Variants in SYNJ1 observed in about 807,000 individuals in gnomAD.
SYNJ1 encodes the protein polyphosphatidylinositol phosphatase SYNJ1.
In SYNJ1, 78 loss-of-function variants were observed where a neutral mutation model predicts 168.2. The ratio of observed to expected loss-of-function variants is 0.46; its 90% confidence interval spans 0.39 to 0.56. The LOEUF is 0.56. SYNJ1 is among the 20% of genes least tolerant of loss of function. The pLI, the probability that SYNJ1 is intolerant of heterozygous loss-of-function variation, is 0.00. For missense variants in SYNJ1, 1,303 were observed against 1,597.6 expected, an observed-to-expected ratio of 0.82 and a Z score of 3.14; for synonymous variants, 539 against 548.6, an observed-to-expected ratio of 0.98 and a Z score of 0.24.
At chr21:32,704,432 T>C (rs901154838) in intron 2 of SYNJ1, among the ~76,000 whole-genome samples, 1 of 152,216 alleles carries the variant, frequency 6.6e-6, no homozygotes, top group African/African-American at 2.4e-5. Flanking sequence ...TTCCCTACTT[T>C]ACGATATATG....
At chr21:32,698,338 G>T (rs1601462252) in intron 4 of SYNJ1, among the ~76,000 whole-genome samples, 1 of 152,146 alleles carries the variant, frequency 6.6e-6, no homozygotes, top group East Asian at 1.9e-4. Flanking sequence ...TAAGTTTGTT[G>T]TTGACTTTGA....
At position 32,657,098 on chromosome 21, in the gene SYNJ1, A is replaced by G; in HGVS notation, c.2484T>C (p.Asn828=). The G allele has an allele frequency of 6.2e-7, 1 of 1,612,886 alleles. No individual in the cohort carries two copies. The highest frequency in any genetic ancestry group is 8.5e-7 in the Non-Finnish European group (1 of 1,178,884). The change falls in exon 20 of 33, where the codon AAT becomes AAC. Residue 828 remains asparagine (N), a synonymous_variant. Transcript: ENST00000674351. The part of the protein sequence containing the change: ...DRSAEDLDLL[N]ASFQDESKIL... ...TTTTGCTTTCATCTTGAAAACTAGC[A>G]TTTAGAAGATCTAGATCTTCAGCTG...
intron 26 of SYNJ1, 23 bp downstream of exon 26, chr21:32,644,945 T>G: frequency 6.2e-7 from 1 of 1,605,522 alleles, no homozygotes; most frequent in Non-Finnish European, 8.5e-7. Context: ...GATTCACACA[T>G]GCTAACAAAT....
intron 19 of SYNJ1, among the ~76,000 whole-genome samples, 160 bp from the exon 20 acceptor site, chr21:32,657,280 T>A (rs2040496178): frequency 6.6e-6 from 1 of 152,218 alleles, no homozygotes; most frequent in South Asian, 2.1e-4. Context: ...ACCTTTAAAT[T>A]CGAAAGGTTT....
chr21:32,719,820 T>C (rs912714045), intron 2 of SYNJ1, among the ~76,000 whole-genome samples: 5 of 151,928 alleles, frequency 3.3e-5, no homozygotes, highest in African/African-American at 9.7e-5. Flanking sequence ...AAAATAAATG[T>C]TCTATTTTTT....
intron 29 of SYNJ1, 82 bp from the exon 30 acceptor site, chr21:32,639,861 T>G: frequency 8.6e-7 from 1 of 1,158,752 alleles, no homozygotes; most frequent in Non-Finnish European, 1.3e-6. Flanking sequence ...CTTTTGCATC[T>G]CATTTACTTT....
chr21:32,673,286 T>G (rs1276149907), intron 14 of SYNJ1, 54 bp downstream of exon 14: 2 of 1,475,960 alleles, frequency 1.4e-6, no homozygotes, highest in Non-Finnish European at 1.8e-6. Context: ...GTTTTCTAGA[T>G]CAATACAACA....
At chr21:32,719,835 ATT>A (rs929463081) in intron 2 of SYNJ1, among the ~76,000 whole-genome samples, 1 of 147,710 alleles carries the variant, frequency 6.8e-6, no homozygotes, top group Non-Finnish European at 1.5e-5. Flanking sequence ...TTTTTTCTGC[ATT>A]TTTTTTTTTG....
At chr21:32,640,084 T>TG (rs2145728607) in intron 29 of SYNJ1, among the ~76,000 whole-genome samples, 1 of 152,284 alleles carries the variant, frequency 6.6e-6, no homozygotes, top group Admixed American at 6.5e-5. Context: ...TAAATTAAGA[T>TG]GAAGAAATAT....
intron 18 of SYNJ1, among the ~76,000 whole-genome samples, chr21:32,660,136 C>T (rs2040630050): frequency 6.6e-6 from 1 of 152,230 alleles, no homozygotes; most frequent in African/African-American, 2.4e-5. Flanking sequence ...AGTTTTAACC[C>T]AGACTGTGCG....
At chr21:32,653,161 C>A in intron 22 of SYNJ1, 127 bp downstream of exon 22, 1 of 731,812 alleles carries the variant, frequency 1.4e-6, no homozygotes, top group Non-Finnish European at 2.2e-6. Context: ...TTAAATAACT[C>A]CTCGAACATA....
chr21:32,686,204 A>G (rs924880435), intron 8 of SYNJ1, among the ~76,000 whole-genome samples: 1 of 152,182 alleles, frequency 6.6e-6, no homozygotes, highest in Non-Finnish European at 1.5e-5. Context: ...GACAAAGCCT[A>G]TCAAAGACTG....
chr21:32,629,550 T>C lies in SYNJ1; in HGVS notation c.*2255A>G, dbSNP rs910764943. 6.5e-6 allele frequency: 1 copy of C among 152,690 alleles called. No homozygotes were observed. The highest frequency in any genetic ancestry group is 2.4e-5 in the African/African-American group (1 of 41,474). 9.5% of individuals were successfully genotyped at this position (152,690 alleles called of 1,614,324 possible). A position where few individuals can be genotyped will look rare whatever the true frequency, so the allele number is the denominator to read the frequency against. ...TTAACATTCTACATATTCGTAGCCA[T>C]GAACGCTATTTTTTGATATTCCCTC... On this transcript the variant is annotated 3_prime_UTR_variant, in exon 33 of 33. Transcript: ENST00000674351.
At chr21:32,641,689 T>C (rs1010962785) in intron 29 of SYNJ1, among the ~76,000 whole-genome samples, 1 of 152,236 alleles carries the variant, frequency 6.6e-6, no homozygotes, top group African/African-American at 2.4e-5. Context: ...GTATCACTTT[T>C]ATCCAAATAA....
At chr21:32,702,838 C>T (rs1280678172) in intron 2 of SYNJ1, among the ~76,000 whole-genome samples, 1 of 152,210 alleles carries the variant, frequency 6.6e-6, no homozygotes, top group Non-Finnish European at 1.5e-5. Flanking sequence ...TTACACTTAT[C>T]CCCTTTCCTT....
chr21:32,688,617 G>A (rs2041915903), intron 6 of SYNJ1, among the ~76,000 whole-genome samples: 1 of 151,938 alleles, frequency 6.6e-6, no homozygotes, highest in Admixed American at 6.6e-5. Context: ...AAACTAGTAG[G>A]AATTTTTATT....
chr21:32,641,183 T>C (rs2039819209), intron 29 of SYNJ1, among the ~76,000 whole-genome samples: 1 of 152,198 alleles, frequency 6.6e-6, no homozygotes, highest in African/African-American at 2.4e-5. Context: ...GTAATAGCTC[T>C]CAGTTTCCTA....
chr21:32,641,506 C>T (rs146414252), intron 29 of SYNJ1, among the ~76,000 whole-genome samples: 58 of 152,134 alleles, frequency 3.8e-4, no homozygotes, highest in African/African-American at 1.3e-3. Context: ...TTTTACTATA[C>T]TGAATTTATC....
chr21:32,669,863 A>G (rs765772602), intron 15 of SYNJ1, among the ~76,000 whole-genome samples: 19 of 152,216 alleles, frequency 1.2e-4, no homozygotes, highest in Non-Finnish European at 2.2e-4. Flanking sequence ...ACAGAAGTAG[A>G]TGTAAGAATC....
Sources: allele counts gnomAD v4.1 joint callset (sites outside exome capture counted in the v4.1 genomes callset), GRCh38; gene constraint gnomAD v4.1.1; transcripts MANE v1.5; gene names NCBI Gene and HGNC (gene_info 2026-07-23, HGNC 2026-07-21).